ABCD4: variants seen among roughly 807,000 people sequenced by gnomAD.
ABCD4 encodes the protein ATP binding cassette subfamily D member 4.
In ABCD4, 53 loss-of-function variants were observed where a neutral mutation model predicts 86.3. The ratio of observed to expected loss-of-function variants is 0.61; its 90% CI spans 0.49 to 0.77. The LOEUF (loss-of-function observed/expected upper bound fraction) is 0.77. ABCD4 is among the 30% of genes least tolerant of loss of function. ABCD4 has a pLI of 0.00. For synonymous variants in ABCD4, 328 were observed against 313.6 expected (o/e 1.05, Z -0.49); for missense variants, 757 against 764.5 (o/e 0.99, Z 0.12).
At chr14:74,296,277 G>A in intron 5 of ABCD4, 56 bp downstream of exon 5, 6 of 1,532,320 alleles carry the variant, frequency 3.9e-6, no homozygotes, top group Non-Finnish European at 3.6e-6. Context: ...TGACCTGGGA[G>A]AGCTGACTGA....
intron 4 of ABCD4, 58 bp from the exon 5 acceptor site, chr14:74,296,507 A>G: frequency 6.7e-7 from 1 of 1,503,440 alleles, no homozygotes; most frequent in Non-Finnish European, 9.2e-7. Context: ...AGGTAGAGAG[A>G]ACAAGAAACT....
chr14:74,289,468 G>A lies in ABCD4; in HGVS notation c.1456+15C>T. 1 of 1,613,784 alleles carries A rather than the reference G, an allele frequency of 6.2e-7. No individual in the cohort carries two copies. Among genetic ancestry groups the A allele is most frequent in the Non-Finnish European group, 8.5e-7 (1 of 1,179,886 alleles). ...GACAGAAGGAGAGGACATGACCTAA[G>A]GAGGACCAGCTCACCTGAGTCGGGG... On this transcript the variant is annotated intron_variant, in intron 14 of 18. Transcript: ENST00000356924.
At chr14:74,295,314 G>A (rs2082576784) in intron 6 of ABCD4, 116 bp from the exon 7 acceptor site, 1 of 1,223,580 alleles carries the variant, frequency 8.2e-7, no homozygotes, top group South Asian at 1.3e-5. Context: ...TCAAAACCGT[G>A]GCTGCCTCAG....
At chr14:74,287,551 CAAAAAA>C (rs67310859) in intron 17 of ABCD4, among the ~76,000 whole-genome samples, 1 of 107,318 alleles carries the variant, frequency 9.3e-6, no homozygotes, top group Non-Finnish European at 1.9e-5. Context: ...GAGACTGTCT[CAAAAAA>C]AAAAAAAAAA....
chr14:74,286,765 T>C lies in ABCD4; in HGVS notation c.1688A>G (p.Tyr563Cys), dbSNP rs145853977. 76 of 1,613,996 alleles carry C rather than the reference T, an allele frequency of 4.7e-5. No homozygotes were observed. The highest frequency in any genetic ancestry group is 5.4e-5 in the Non-Finnish European group (64 of 1,180,038). Reference sequence around the variant, plus strand: ...CATCCCCAGCTGCTGGCCGATGCGATAGAGCTCGCTCTCCACTTCCTCTGT... The same window carrying C: ...CATCCCCAGCTGCTGGCCGATGCGACAGAGCTCGCTCTCCACTTCCTCTGT... ...ALTEEVESEL[Y>C]RIGQQLGMTF... The change falls in exon 18 of 19, where the codon TAT (tyrosine) becomes TGT (cysteine). Residue 563 changes from tyrosine to cysteine, a missense_variant. Transcript: ENST00000356924.
In ABCD4 at chr14:74,301,865, T is replaced by C. The variant is rs142865502; in HGVS notation, c.38+1010A>G. On this transcript the variant is annotated intron_variant, in intron 1 of 18. Transcript: ENST00000356924. ...AGTGAGCCGAGATCATGCCACTGCA[T>C]TCCTGCCCGAGCAACAAGAGCAAAA... Among the ~76,000 whole-genome samples the C allele has an allele frequency of 8.0e-3, 1,223 of 152,138 alleles. 9 individuals carry two copies. The highest frequency in any genetic ancestry group is 0.028 in the African/African-American group (1,160 of 41,478).
chr14:74,302,803 A>T, intron 1 of ABCD4, 72 bp downstream of exon 1: 1 of 1,418,560 alleles, frequency 7.0e-7, no homozygotes, highest in Non-Finnish European at 9.3e-7. Context: ...CGAGGCACGG[A>T]GGGCAGGAAA....
In ABCD4 at chr14:74,286,277, C is replaced by T. The variant is rs1296780366; in HGVS notation, c.*184G>A. ...GACTGAACACTGGGAGATTCAGTGT[C>T]CCCCACAGAAACCTAGACCTGGGCT... is the stretch of plus-strand genomic sequence containing the variant. On this transcript the variant is annotated 3_prime_UTR_variant, in exon 19 of 19. Coordinates refer to ENST00000356924, the MANE Select transcript of ABCD4 (RefSeq NM_005050.4). 3.3e-6 allele frequency: 2 copies of T among 612,284 alleles called. No individual in the cohort carries two copies. Among genetic ancestry groups the T allele is most frequent in the African/African-American group, 3.7e-5 (2 of 54,136 alleles). 37.9% of individuals were successfully genotyped at this position (612,284 alleles called of 1,614,324 possible).
intron 4 of ABCD4, chr14:74,297,653 G>C (rs1566987789): frequency 2.8e-6 from 3 of 1,078,420 alleles, no homozygotes; most frequent in Non-Finnish European, 3.4e-6. Flanking sequence ...CACTACTCCT[G>C]GGCTCAAGTG....
rs1157675682 is a variant in ABCD4 at position 74,296,320 on chromosome 14, A to T, written c.542+13T>A. The stretch of plus-strand genomic sequence containing the variant: ...CTGGGGAAACACCAGGCTGGGGAGG[A>T]GGGAGGCTTCACCTTTGGAAGCACT... On this transcript the variant is annotated intron_variant, in intron 5 of 18. Transcript: ENST00000356924. The T allele has an allele frequency of 3.1e-6, 5 of 1,611,474 alleles. No homozygotes were observed. Among genetic ancestry groups the T allele is most frequent in the Non-Finnish European group, 4.2e-6 (5 of 1,177,840 alleles).
intron 7 of ABCD4, chr14:74,294,880 C>T (rs2082446426): frequency 2.0e-6 from 1 of 512,318 alleles, no homozygotes; most frequent in Non-Finnish European, 3.5e-6. Context: ...GAGGATGAGG[C>T]ATTCATTCAT....
intron 6 of ABCD4, 31 bp from the exon 7 acceptor site, chr14:74,295,229 C>T (rs753437005): frequency 6.2e-7 from 1 of 1,613,498 alleles, no homozygotes; most frequent in Non-Finnish European, 8.5e-7. Context: ...TGTGTGCTGA[C>T]AACAGGGAGT....
chr14:74,289,356 C>T, intron 14 of ABCD4, 127 bp downstream of exon 14: 1 of 1,482,658 alleles, frequency 6.7e-7, no homozygotes, highest in African/African-American at 1.4e-5. Flanking sequence ...AGGAGAGGAG[C>T]CCCTCTTCCT....
chr14:74,287,955 CTGGG>C, intron 16 of ABCD4, 69 bp from the exon 17 acceptor site: 1 of 1,449,200 alleles, frequency 6.9e-7, no homozygotes, highest in Non-Finnish European at 9.5e-7. Context: ...CTAGAATGGT[CTGGG>C]TAGGAAGAGG....
chr14:74,287,078 A>G (rs551550277), intron 17 of ABCD4, among the ~76,000 whole-genome samples: 279 of 152,332 alleles, frequency 1.8e-3, no homozygotes, highest in Admixed American at 5.8e-3. Flanking sequence ...CACTCAATCC[A>G]GGGAATCCCA....
intron 2 of ABCD4, 86 bp downstream of exon 2, chr14:74,300,064 A>C (rs2083969696): frequency 7.1e-5 from 2 of 28,140 alleles, no homozygotes; most frequent in Non-Finnish European, 1.1e-4. Context: ...ACTCTGTCTC[A>C]AAAAAAAAAA....
chr14:74,290,939 G>C (rs779866061), intron 11 of ABCD4, among the ~76,000 whole-genome samples: 1 of 151,888 alleles, frequency 6.6e-6, no homozygotes, highest in African/African-American at 2.4e-5. Flanking sequence ...TCCCAAAGTG[G>C]TGGGATTATA....
intron 5 of ABCD4, 32 bp from the exon 6 acceptor site, chr14:74,296,011 G>T: frequency 1.9e-6 from 3 of 1,572,006 alleles, no homozygotes; most frequent in Non-Finnish European, 2.6e-6. Flanking sequence ...AGAAGGGAGA[G>T]GGTGTGGGGT....
rs766997152 is a variant in ABCD4 at position 74,299,537 on chromosome 14, A to C, written c.285+11T>G. The C allele has an allele frequency of 6.2e-7, 1 of 1,612,934 alleles. No individual in the cohort carries two copies. Among genetic ancestry groups the C allele is most frequent in the Admixed American group, 1.7e-5 (1 of 59,976 alleles). ...GAGGACGAGAGACACAGAGAGAGGG[A>C]AAGATCTTACCGTGGAGTTCAGAAC... On this transcript the variant is annotated intron_variant, in intron 3 of 18. Transcript: ENST00000356924.
Sources: allele counts gnomAD v4.1 joint callset (sites outside exome capture counted in the v4.1 genomes callset), GRCh38; gene constraint gnomAD v4.1.1; transcripts MANE v1.5; gene names NCBI Gene and HGNC (gene_info 2026-07-23, HGNC 2026-07-21).